Variants in PALM2AKAP2 observed in about 807,000 individuals in gnomAD.
PALM2AKAP2 encodes PALM2-AKAP2 fusion protein.
PALM2AKAP2 carries 37 observed loss-of-function variants against 71.5 expected under a neutral mutation model. The observed-to-expected ratio is 0.52, with a 90% CI of 0.40 to 0.68. The LOEUF is 0.68. PALM2AKAP2 is among the 30% of genes least tolerant of loss of function. PALM2AKAP2 has a pLI of 0.00. For missense variants in PALM2AKAP2, 1,224 were observed against 1,191.8 expected, an observed-to-expected ratio of 1.03 and a Z score of -0.40; for synonymous variants, 468 against 478.8, an observed-to-expected ratio of 0.98 and a Z score of 0.29.
rs148447183 is a variant in PALM2AKAP2 at position 109,823,660 on chromosome 9, A to G, written c.45+43127A>G. Among the ~76,000 whole-genome samples the G allele has an allele frequency of 6.3e-3, 964 of 152,286 alleles. 17 individuals are homozygous for G. The highest frequency in any genetic ancestry group is 0.046 in the South Asian group (222 of 4,824). On this transcript the variant is annotated intron_variant, in intron 1 of 9. Coordinates refer to the PALM2AKAP2 transcript ENST00000302798. ...ACCATGTTCAACCTGCCTGCCTTGC[A>G]GAGAGTTGGCTCTCCCTGTTACTGT...
intron 1 of PALM2AKAP2, among the ~76,000 whole-genome samples, chr9:109,813,090 G>T (rs1827765276): frequency 6.6e-6 from 1 of 152,220 alleles, no homozygotes; most frequent in Non-Finnish European, 1.5e-5. Flanking sequence ...AATTTAACAA[G>T]ACTGCCCATA....
intron 6 of PALM2AKAP2, among the ~76,000 whole-genome samples, chr9:109,957,905 A>G (rs1794228640): frequency 6.6e-6 from 1 of 152,222 alleles, no homozygotes; most frequent in Non-Finnish European, 1.5e-5. Context: ...AGTCCGGGCT[A>G]TGATTCTTGC....
chr9:110,168,374 A>C, intron 3 of PALM2AKAP2, 25 bp from the exon 11 acceptor site: 1 of 1,610,966 alleles, frequency 6.2e-7, no homozygotes, highest in Non-Finnish European at 8.5e-7. Flanking sequence ...TGAACTCTGC[A>C]TAATTTTTTC....
chr9:109,907,045 T>A (rs1830460984), intron 3 of PALM2AKAP2, among the ~76,000 whole-genome samples: 2 of 152,182 alleles, frequency 1.3e-5, no homozygotes, highest in South Asian at 4.2e-4. Context: ...CATCCTAGCT[T>A]GAAATGCTGT....
chr9:109,943,271 C>G, intron 6 of PALM2AKAP2: 1 of 1,614,242 alleles, frequency 6.2e-7, no homozygotes, highest in Non-Finnish European at 8.5e-7. Context: ...GACGTGTCCA[C>G]TATTGACGGG....
chr9:110,071,484 C>T (rs1834207226), intron 1 of PALM2AKAP2, among the ~76,000 whole-genome samples: 1 of 152,150 alleles, frequency 6.6e-6, no homozygotes, highest in South Asian at 2.1e-4. Flanking sequence ...ACTCATGGCT[C>T]CCAGGATGTA....
intron 1 of PALM2AKAP2, among the ~76,000 whole-genome samples, chr9:109,685,146 G>A (rs1827790645): frequency 6.6e-6 from 1 of 152,126 alleles, no homozygotes; most frequent in Admixed American, 6.6e-5. Flanking sequence ...CTAAGGGGTG[G>A]TCATAGGAAT....
intron 6 of PALM2AKAP2, chr9:109,943,279 G>A (rs766628672): frequency 4.3e-6 from 7 of 1,614,088 alleles, no homozygotes; most frequent in South Asian, 3.3e-5. Flanking sequence ...CACTATTGAC[G>A]GGAACGCGGC....
At chr9:110,039,912 G>C (rs1022153814) in intron 7 of PALM2AKAP2, among the ~76,000 whole-genome samples, 5 of 152,036 alleles carry the variant, frequency 3.3e-5, no homozygotes, top group African/African-American at 1.2e-4. Context: ...AGTTTGCAAT[G>C]CTTGCTCCTA....
At chr9:109,966,541 C>T (rs1360588661) in intron 6 of PALM2AKAP2, among the ~76,000 whole-genome samples, 1 of 152,218 alleles carries the variant, frequency 6.6e-6, no homozygotes, top group Non-Finnish European at 1.5e-5. Flanking sequence ...AGTAGTGCCT[C>T]TCTCACAAGG....
intron 1 of PALM2AKAP2, among the ~76,000 whole-genome samples, chr9:109,849,575 C>A (rs898650393): frequency 6.6e-5 from 10 of 152,098 alleles, no homozygotes; most frequent in African/African-American, 2.4e-4. Flanking sequence ...TGGTGAAACT[C>A]CGTCTCTACT....
At chr9:110,088,980 A>G (rs1834644607) in intron 1 of PALM2AKAP2, among the ~76,000 whole-genome samples, 1 of 152,062 alleles carries the variant, frequency 6.6e-6, no homozygotes, top group African/African-American at 2.4e-5. Flanking sequence ...TTGGCCTCCC[A>G]AAGTGCTGGC....
At chr9:110,018,227 T>TTAC in intron 7 of PALM2AKAP2, among the ~76,000 whole-genome samples, 1 of 152,292 alleles carries the variant, frequency 6.6e-6, no homozygotes, top group South Asian at 2.1e-4. Flanking sequence ...AAGATTTCTT[T>TTAC]TACCCCTGCC....
chr9:109,718,535 A>G (rs1425577932), intron 1 of PALM2AKAP2, among the ~76,000 whole-genome samples: 1 of 152,062 alleles, frequency 6.6e-6, no homozygotes, highest in African/African-American at 2.4e-5. Flanking sequence ...TGGGCCCTGA[A>G]CACTTGCTTG....
intron 6 of PALM2AKAP2, among the ~76,000 whole-genome samples, chr9:109,942,052 T>C (rs948330079): frequency 2.0e-5 from 3 of 152,268 alleles, no homozygotes; most frequent in Admixed American, 6.5e-5. Flanking sequence ...CAGTGTCCTA[T>C]GTGATGTTAC....
rs535749017 is a variant in PALM2AKAP2 at position 109,867,907 on chromosome 9, T to C, written c.126+336T>C. 3.3e-5 allele frequency among the ~76,000 whole-genome samples: 5 copies of C among 152,276 alleles called. No homozygotes were observed. The South Asian group carries it at 6.2e-4, about 19-fold the overall frequency. The stretch of plus-strand genomic sequence containing the variant: ...ATTTCAGGATTGTTTCTCCCATGCA[T>C]AGGTGCTGGGTGTGTTTGCTCAGAG... On this transcript the variant is annotated intron_variant, in intron 2 of 9. Coordinates refer to the PALM2AKAP2 transcript ENST00000302798.
intron 1 of PALM2AKAP2, among the ~76,000 whole-genome samples, chr9:109,688,068 G>A (rs1342621455): frequency 1.3e-5 from 2 of 152,182 alleles, no homozygotes; most frequent in African/African-American, 2.4e-5. Flanking sequence ...AAACAATTAC[G>A]ATGGTAACAT....
chr9:110,038,556 C>G (rs1833453854), intron 7 of PALM2AKAP2, among the ~76,000 whole-genome samples: 2 of 151,984 alleles, frequency 1.3e-5, no homozygotes, highest in East Asian at 1.9e-4. Context: ...CAAGTGCTGT[C>G]TTGGTGAAAA....
intron 2 of PALM2AKAP2, among the ~76,000 whole-genome samples, chr9:110,152,653 C>T (rs542184851): frequency 6.6e-6 from 1 of 152,324 alleles, no homozygotes; most frequent in South Asian, 2.1e-4. Flanking sequence ...GCAGTGTCCA[C>T]TATTGGGGGA....
Sources: allele counts gnomAD v4.1 joint callset (sites outside exome capture counted in the v4.1 genomes callset), GRCh38; gene constraint gnomAD v4.1.1; transcripts MANE v1.5; gene names NCBI Gene and HGNC (gene_info 2026-07-23, HGNC 2026-07-21).